Variants in SHD observed in about 807,000 individuals in gnomAD.
SHD encodes the protein SH2 domain-containing adapter protein D.
A neutral mutation model predicts 31.2 loss-of-function variants in SHD; 29 were observed. The observed-to-expected ratio is 0.93, with a 90% CI of 0.69 to 1.27. The LOEUF is 1.27. SHD is among the 50% of genes most tolerant of loss of function. The pLI is 0.00. For synonymous variants in SHD, 208 were observed against 187.8 expected (o/e 1.11, Z -0.88); for missense variants, 520 against 453.8 (o/e 1.15, Z -1.33).
chr19:4,286,332 C>CTT (rs1971317936), intron 4 of SHD, among the ~76,000 whole-genome samples: 1 of 138,250 alleles, frequency 7.2e-6, no homozygotes, highest in Admixed American at 7.8e-5. Flanking sequence ...TCCTTCCTTC[C>CTT]TTCCTTTCTT....
chr19:4,284,104 G>A (rs905581647), intron 3 of SHD, among the ~76,000 whole-genome samples: 1 of 151,802 alleles, frequency 6.6e-6, no homozygotes, highest in Non-Finnish European at 1.5e-5. Context: ...AGGAGTTCGA[G>A]ACCAGCCTGA....
At chr19:4,280,484 C>T (rs928999143) in intron 1 of SHD, 124 bp downstream of exon 1, 12 of 1,071,016 alleles carry the variant, frequency 1.1e-5, no homozygotes, top group African/African-American at 1.6e-5. Context: ...ACAGACCCTT[C>T]CCAGTCCTCC....
chr19:4,287,331 C>CAAAA (rs113041848), intron 4 of SHD, among the ~76,000 whole-genome samples: 18 of 146,038 alleles, frequency 1.2e-4, no homozygotes, highest in Admixed American at 7.5e-4. Flanking sequence ...GACTCTGTCT[C>CAAAA]AAAAAAAAAG....
At chr19:4,286,945 T>G (rs1971325950) in intron 4 of SHD, among the ~76,000 whole-genome samples, 1 of 133,456 alleles carries the variant, frequency 7.5e-6, no homozygotes, top group African/African-American at 2.8e-5. Context: ...ATCCCAGCAC[T>G]TTGGGAGGCT....
chr19:4,286,222 CTTTCTTTCTTTT>C (rs1568369324), intron 4 of SHD, among the ~76,000 whole-genome samples: 76 of 99,116 alleles, frequency 7.7e-4, no homozygotes, highest in African/African-American at 1.3e-3. Flanking sequence ...TTCTTTCTTT[CTTTCTTTCTTTT>C]CTTTCTTTCT....
At chr19:4,286,214 CTTTCTTTCTTTCTTTCT>C (rs1251484616) in intron 4 of SHD, among the ~76,000 whole-genome samples, 7 of 99,986 alleles carry the variant, frequency 7.0e-5, no homozygotes, top group Non-Finnish European at 1.1e-4. Context: ...TTCTTTCTTT[CTTTCTTTCTTTCTTTCT>C]TTTCTTTCTT....
chr19:4,280,380 G>T lies in SHD; in HGVS notation c.297+20G>T. 1 of 1,542,136 alleles carries T rather than the reference G, an allele frequency of 6.5e-7. No individual in the cohort carries two copies. Among genetic ancestry groups the T allele is most frequent in the Non-Finnish European group, 8.8e-7 (1 of 1,142,432 alleles). On this transcript the variant is annotated intron_variant, in intron 1 of 5. Transcript: ENST00000543264. ...GAGGAGGTGCGTGGCTGGGTGGCCT[G>T]GGGAGACTGGGTGGAGGGGAGGCTC...
At chr19:4,283,764 G>A (rs1468782370) in intron 3 of SHD, among the ~76,000 whole-genome samples, 1 of 151,310 alleles carries the variant, frequency 6.6e-6, no homozygotes. Flanking sequence ...ATTTTTAGTA[G>A]AGACGGGGTT....
intron 5 of SHD, among the ~76,000 whole-genome samples, chr19:4,289,036 T>C (rs1971348700): frequency 6.7e-6 from 1 of 150,190 alleles, no homozygotes; most frequent in Non-Finnish European, 1.5e-5. Context: ...CCTCGGAGGC[T>C]GAGGCAGGAG....
chr19:4,286,227 T>C (rs373345149), intron 4 of SHD, among the ~76,000 whole-genome samples: 9 of 73,088 alleles, frequency 1.2e-4, no homozygotes, highest in South Asian at 5.2e-4. Flanking sequence ...TCTTTCTTTC[T>C]TTCTTTTCTT....
At chr19:4,288,852 G>C (rs922815324) in intron 5 of SHD, among the ~76,000 whole-genome samples, 2 of 152,054 alleles carry the variant, frequency 1.3e-5, no homozygotes, top group African/African-American at 4.8e-5. Flanking sequence ...GCACGAGATT[G>C]GGGCTGAGCG....
In SHD at chr19:4,284,533, G is replaced by A. The variant is rs73919824; in HGVS notation, c.593-248G>A. The stretch of plus-strand genomic sequence containing the variant: ...GGCTCCTCTTTGGAAACTTCGAACC[G>A]ACCCCGTCTAGCCACGCCCCTTGTG... On this transcript the variant is annotated intron_variant, in intron 3 of 5. Coordinates refer to ENST00000543264, the MANE Select transcript of SHD (RefSeq NM_020209.4). 2.7e-3 allele frequency: 894 copies of A among 329,968 alleles called. 8 individuals are homozygous for A. Among genetic ancestry groups the A allele is most frequent in the African/African-American group, 0.017 (806 of 47,000 alleles). 20.4% of individuals were successfully genotyped at this position (329,968 alleles called of 1,614,324 possible). A position where few individuals can be genotyped will look rare whatever the true frequency, so the allele number is the denominator to read the frequency against.
chr19:4,286,275 CTTTCTTTTTTTCT>C (rs1568369446), intron 4 of SHD, among the ~76,000 whole-genome samples: 50 of 121,142 alleles, frequency 4.1e-4, no homozygotes, highest in Middle Eastern at 3.8e-3. Flanking sequence ...TTCTTTCTTT[CTTTCTTTTTTTCT>C]TTCCTTCCTT....
chr19:4,288,831 AAG>A (rs1227160343), intron 5 of SHD, among the ~76,000 whole-genome samples: 2 of 152,090 alleles, frequency 1.3e-5, no homozygotes, highest in African/African-American at 4.8e-5. Context: ...GTCTGAGTGG[AAG>A]ATCTAAAAGC....
At chr19:4,280,404 T>C in intron 1 of SHD, 44 bp downstream of exon 1, 1 of 1,514,498 alleles carries the variant, frequency 6.6e-7, no homozygotes, top group Non-Finnish European at 8.9e-7. Flanking sequence ...GAGGGGAGGC[T>C]CAGGATGGGC....
rs758696597 is a variant in SHD at position 4,283,049 on chromosome 19, C to G, written c.404-5C>G. On this transcript the variant is annotated splice_region_variant and splice_polypyrimidine_tract_variant and intron_variant, in intron 2 of 5. Coordinates refer to ENST00000543264, the MANE Select transcript of SHD (RefSeq NM_020209.4). ...AGGAGCTGAACAGTGTCCCTGGCCT[C>G]CTAGAACTTCCCGGCAGAGGGGTGC... is the stretch of plus-strand genomic sequence containing the variant. 2 of 1,613,670 alleles carry G rather than the reference C, an allele frequency of 1.2e-6. No homozygotes were observed. The highest frequency in any genetic ancestry group is 2.2e-5 in the South Asian group (2 of 91,062).
At chr19:4,290,100 T>C (rs1971361239) in intron 5 of SHD, among the ~76,000 whole-genome samples, 1 of 150,966 alleles carries the variant, frequency 6.6e-6, no homozygotes, top group Non-Finnish European at 1.5e-5. Flanking sequence ...GGTCTCAAAC[T>C]CGTAACCTCA....
intron 4 of SHD, among the ~76,000 whole-genome samples, chr19:4,286,539 A>G (rs920822240): frequency 1.3e-5 from 2 of 152,000 alleles, no homozygotes; most frequent in African/African-American, 4.8e-5. Context: ...ACAACAGCAA[A>G]GGCTCTGGTG....
At position 4,290,630 on chromosome 19, in the gene SHD, CT is replaced by C. The variant is rs759210641; in HGVS notation, c.1021del (p.Ter341AspfsTer26). 5 of 1,595,236 alleles carry C rather than the reference CT, an allele frequency of 3.1e-6. No individual in the cohort carries two copies. In the East Asian group the frequency reaches 1.1e-4, roughly 36 times the overall value. ...LLYPVVTQTP[*>X] is the part of the protein sequence containing the mutation. ...TGTACCCCGTGGTCACGCAGACCCC[CT>C]GACAGTGACCCTCGGCCCCCTTTTG... On this transcript the variant is annotated frameshift_variant and stop_lost, in exon 6 of 6. Coordinates refer to ENST00000543264, the MANE Select transcript of SHD (RefSeq NM_020209.4). LOFTEE classifies it high-confidence loss of function.
Sources: gnomAD v4.1 joint callset for allele counts (sites outside exome capture counted in the v4.1 genomes callset) on GRCh38, gnomAD v4.1.1 for gene constraint, MANE v1.5 for transcripts, NCBI Gene and HGNC (gene_info 2026-07-23, HGNC 2026-07-21) for gene names.